FOXP1: variants seen among roughly 807,000 people sequenced by gnomAD.
FOXP1 encodes forkhead box protein P1.
FOXP1 carries 15 observed loss-of-function variants against 98.2 expected under a neutral mutation model. That is an observed-to-expected ratio of 0.15 (90% CI 0.10 to 0.24). The LOEUF is 0.24. Ranked by LOEUF, FOXP1 falls within the 10% of genes least tolerant of loss-of-function variation. The pLI, the probability that FOXP1 is intolerant of heterozygous loss-of-function variation, is 1.00. For synonymous variants in FOXP1, 371 were observed against 314.5 expected, an observed-to-expected ratio of 1.18 and a Z score of -1.90; for missense variants, 633 against 848.5, an observed-to-expected ratio of 0.75 and a Z score of 3.15.
intron 5 of FOXP1, among the ~76,000 whole-genome samples, chr3:71,207,538 C>A (rs937587045): frequency 1.3e-5 from 2 of 152,156 alleles, no homozygotes; most frequent in Non-Finnish European, 2.9e-5. Context: ...TATTTTCCCC[C>A]CTGAAACTTG....
intron 6 of FOXP1, among the ~76,000 whole-genome samples, chr3:71,121,026 A>G (rs866396253): frequency 7.0e-6 from 1 of 142,112 alleles, no homozygotes; most frequent in East Asian, 2.0e-4. Context: ...GCAAAAAATT[A>G]TATTTTTTCT....
chr3:71,393,952 C>T (rs2081211308), intron 3 of FOXP1, among the ~76,000 whole-genome samples: 1 of 152,194 alleles, frequency 6.6e-6, no homozygotes, highest in Non-Finnish European at 1.5e-5. Context: ...GCCTCGGCCT[C>T]CCAAAGTGTT....
intron 5 of FOXP1, among the ~76,000 whole-genome samples, chr3:71,252,265 A>T (rs886384973): frequency 6.6e-6 from 1 of 152,120 alleles, no homozygotes; most frequent in African/African-American, 2.4e-5. Context: ...GAGCTTCCCT[A>T]ACCCCACACT....
At chr3:71,182,633 G>A (rs1364304011) in intron 6 of FOXP1, among the ~76,000 whole-genome samples, 4 of 150,778 alleles carry the variant, frequency 2.7e-5, no homozygotes, top group Non-Finnish European at 5.9e-5. Context: ...GGGCTCAAGT[G>A]ATTCTCCCAC....
At chr3:71,582,624 A>G (rs2048276773) in intron 1 of FOXP1, 2 of 985,414 alleles carry the variant, frequency 2.0e-6, no homozygotes, top group Non-Finnish European at 2.4e-6. Context: ...GGGTAAAATC[A>G]GAAAATGTGT....
intron 5 of FOXP1, among the ~76,000 whole-genome samples, chr3:71,223,111 C>T (rs1161052725): frequency 6.6e-6 from 1 of 152,154 alleles, no homozygotes; most frequent in Non-Finnish European, 1.5e-5. Context: ...CCATTCTGAT[C>T]AAGTCACTCC....
intron 3 of FOXP1, among the ~76,000 whole-genome samples, chr3:71,444,214 G>A (rs1038410511): frequency 7.2e-5 from 11 of 152,098 alleles, no homozygotes; most frequent in African/African-American, 2.4e-4. Flanking sequence ...AATGATTTTT[G>A]CTGCGCCTGA....
chr3:71,353,816 T>C (rs1259494883), intron 4 of FOXP1, among the ~76,000 whole-genome samples: 3 of 152,178 alleles, frequency 2.0e-5, no homozygotes, highest in African/African-American at 7.2e-5. Context: ...ACAACAAATG[T>C]CAACCACTGA....
In FOXP1 at chr3:70,977,929, G is replaced by C; in HGVS notation, c.1247C>G (p.Pro416Arg). ...TPTTPTAPLTPVTQGPSVITT... is the reference protein window; with the variant it reads ...TPTTPTAPLTRVTQGPSVITT... The stretch of plus-strand genomic sequence containing the variant: ...GATGACAGAGGGGCCTTGGGTGACG[G>C]GAGTCAGGGGGGCGGTTGGGGTCGT... The change falls in exon 15 of 21, where the codon CCC (proline) becomes CGC (arginine). Residue 416 changes from proline to arginine, a missense_variant. This residue lies in a region of FOXP1 where 141 missense variants were observed against 199.5 expected (regional missense o/e 0.71). Transcript: ENST00000649528. 6.2e-7 allele frequency: 1 copy of C among 1,614,166 alleles called. No homozygotes were observed. Among genetic ancestry groups the C allele is most frequent in the Non-Finnish European group, 8.5e-7 (1 of 1,180,024 alleles).
intron 6 of FOXP1, among the ~76,000 whole-genome samples, chr3:71,191,568 A>C (rs1482003303): frequency 6.6e-6 from 1 of 152,232 alleles, no homozygotes; most frequent in African/African-American, 2.4e-5. Context: ...TTAATGACAC[A>C]TAACTGTTTA....
chr3:71,438,658 G>A (rs2085603028), intron 3 of FOXP1, among the ~76,000 whole-genome samples: 1 of 150,848 alleles, frequency 6.6e-6, no homozygotes, highest in African/African-American at 2.4e-5. Flanking sequence ...TGATGGCCAA[G>A]ATCTAGTCCT....
At chr3:71,254,730 C>T (rs2068491056) in intron 5 of FOXP1, among the ~76,000 whole-genome samples, 1 of 152,162 alleles carries the variant, frequency 6.6e-6, no homozygotes, top group African/African-American at 2.4e-5. Context: ...ACACTGGATT[C>T]CAACAGTTTC....
chr3:71,018,408 C>G (rs1250723955), intron 11 of FOXP1, among the ~76,000 whole-genome samples: 1 of 152,126 alleles, frequency 6.6e-6, no homozygotes, highest in Non-Finnish European at 1.5e-5. Flanking sequence ...AAAAAAATTT[C>G]TTTATTATGA....
At chr3:71,513,433 C>T (rs1246524869) in intron 2 of FOXP1, among the ~76,000 whole-genome samples, 1 of 152,140 alleles carries the variant, frequency 6.6e-6, no homozygotes, top group Non-Finnish European at 1.5e-5. Context: ...CCAGTACTCC[C>T]CTCCTTCGCT....
rs1195319700 is a variant in FOXP1, at chr3:71,397,062, G to GTA, written c.-167-37820_-167-37819dup. On this transcript the variant is annotated intron_variant, in intron 3 of 20. Transcript: ENST00000649528. ...TATATATATATACACATATATATGT[G>GTA]TATATATATATACATATATATGTGT... Among the ~76,000 whole-genome samples the GTA allele has an allele frequency of 1.1e-3, 68 of 63,580 alleles. 9 individuals are homozygous for GTA. The highest frequency in any genetic ancestry group is 3.4e-3 in the South Asian group (6 of 1,768). 41.7% of individuals were successfully genotyped at this position (63,580 alleles called of 152,430 possible). A position where few individuals can be genotyped will look rare whatever the true frequency, so the allele number is the denominator to read the frequency against.
chr3:71,189,237 T>C (rs1180369800), intron 6 of FOXP1, among the ~76,000 whole-genome samples: 1 of 121,120 alleles, frequency 8.3e-6, no homozygotes, highest in Non-Finnish European at 1.7e-5. Context: ...AAGAAGCTTG[T>C]GTCAATATGG....
intron 3 of FOXP1, among the ~76,000 whole-genome samples, chr3:71,446,067 GA>G (rs2086398668): frequency 6.6e-6 from 1 of 151,886 alleles, no homozygotes; most frequent in Non-Finnish European, 1.5e-5. Flanking sequence ...GTGAGTGAGT[GA>G]GTGAGTGAGT....
chr3:71,372,565 CGA>C (rs1320892814), intron 3 of FOXP1, among the ~76,000 whole-genome samples: 2 of 152,072 alleles, frequency 1.3e-5, no homozygotes, highest in African/African-American at 4.8e-5. Context: ...AGAAAGAAGC[CGA>C]GAGGGCAAAG....
At chr3:70,994,065 G>A (rs1421005758) in intron 13 of FOXP1, among the ~76,000 whole-genome samples, 1 of 151,730 alleles carries the variant, frequency 6.6e-6, no homozygotes, top group African/African-American at 2.4e-5. Context: ...TAGAATCAAG[G>A]AAATAGGGTG....
Sources: gnomAD v4.1 joint callset for allele counts (sites outside exome capture counted in the v4.1 genomes callset) on GRCh38, gnomAD v4.1.1 for gene constraint, gnomAD v4.1.1 regional missense constraint, MANE v1.5 for transcripts, NCBI Gene and HGNC (gene_info 2026-07-23, HGNC 2026-07-21) for gene names.